NCOA2: variants seen among roughly 807,000 people sequenced by gnomAD.
NCOA2 encodes the protein class E basic helix-loop-helix protein 75.
Under a neutral mutation model 145.1 loss-of-function variants are expected in NCOA2, and 21 were observed. The ratio of observed to expected loss-of-function variants is 0.14; its 90% CI spans 0.10 to 0.21. The LOEUF (loss-of-function observed/expected upper bound fraction) is 0.21. Among genes scored for constraint, NCOA2 ranks in the 10% least tolerant of loss-of-function variants. The pLI, the probability that NCOA2 is intolerant of heterozygous loss-of-function variation, is 1.00. For missense variants in NCOA2, 1,472 were observed against 1,837.6 expected, an observed-to-expected ratio of 0.80 and a Z score of 3.64; for synonymous variants, 619 against 637.5, an observed-to-expected ratio of 0.97 and a Z score of 0.44.
intron 2 of NCOA2, among the ~76,000 whole-genome samples, chr8:70,293,782 T>A (rs978777933): frequency 6.6e-6 from 1 of 152,172 alleles, no homozygotes; most frequent in Non-Finnish European, 1.5e-5. Flanking sequence ...TTGGCTAACT[T>A]TAAAAATGCT....
chr8:70,113,531 C>T lies in NCOA2; in HGVS notation c.*101G>A, dbSNP rs559655668. 1,165 of 1,366,450 alleles carry T rather than the reference C, an allele frequency of 8.5e-4. 13 individuals are homozygous for T. In the South Asian group the frequency reaches 0.014, roughly 16 times the overall value. 84.6% of individuals were successfully genotyped at this position (1,366,450 alleles called of 1,614,324 possible). ...TGTCTGCTCTAGCAGAACCGGCTGG[C>T]AGGTCAGTTGGGTTGAAACAAATAG... On this transcript the variant is annotated 3_prime_UTR_variant, in exon 23 of 23. Transcript: ENST00000452400.
At chr8:70,115,786 C>A (rs1399683604) in intron 22 of NCOA2, among the ~76,000 whole-genome samples, 2 of 152,166 alleles carry the variant, frequency 1.3e-5, no homozygotes, top group Non-Finnish European at 2.9e-5. Context: ...AACTGCCCTT[C>A]TCTAAATATA....
the NCOA2 span, among the ~76,000 whole-genome samples, chr8:70,449,911 G>C: frequency 6.6e-6 from 1 of 152,240 alleles, no homozygotes; most frequent in Admixed American, 6.5e-5. Flanking sequence ...GGTTGGGACA[G>C]TATGAAATGC....
At chr8:70,350,277 TTAA>T (rs1414700275) in intron 1 of NCOA2, among the ~76,000 whole-genome samples, 3 of 152,164 alleles carry the variant, frequency 2.0e-5, no homozygotes, top group Non-Finnish European at 4.4e-5. Flanking sequence ...GACTCCTCAG[TTAA>T]TAATTATAAT....
chr8:70,216,432 T>C (rs1819627400), intron 3 of NCOA2, among the ~76,000 whole-genome samples: 1 of 152,190 alleles, frequency 6.6e-6, no homozygotes, highest in Non-Finnish European at 1.5e-5. Context: ...ATTCTAAGAG[T>C]CAAAAGATAT....
At chr8:70,416,367 C>T in the NCOA2 span, among the ~76,000 whole-genome samples, 2 of 151,930 alleles carry the variant, frequency 1.3e-5, no homozygotes, top group South Asian at 4.1e-4. Context: ...TAAATCACCA[C>T]AGACTACTAT....
At chr8:70,441,803 AG>A in the NCOA2 span, among the ~76,000 whole-genome samples, 8 of 144,340 alleles carry the variant, frequency 5.5e-5, no homozygotes, top group Non-Finnish European at 7.5e-5. Flanking sequence ...AAAGAAAGAA[AG>A]AAAGAAAGAA....
chr8:70,383,746 C>A (rs927301449), intron 1 of NCOA2, among the ~76,000 whole-genome samples: 1 of 152,196 alleles, frequency 6.6e-6, no homozygotes, highest in Non-Finnish European at 1.5e-5. Context: ...CTCAGGTGAT[C>A]CGCCCACCTC....
At chr8:70,401,642 G>C (rs1450181172) in intron 1 of NCOA2, among the ~76,000 whole-genome samples, 1 of 152,076 alleles carries the variant, frequency 6.6e-6, no homozygotes, top group Non-Finnish European at 1.5e-5. Flanking sequence ...AAGCCATTAT[G>C]AACAATGATG....
rs574813551 is a variant in NCOA2, at chr8:70,240,024, T to A, written c.-19-23260A>T. On this transcript the variant is annotated intron_variant, in intron 2 of 22. Coordinates refer to ENST00000452400, the MANE Select transcript of NCOA2 (RefSeq NM_006540.4). Reference sequence around the variant, plus strand: ...TGCCCAATCCTTCCAGATTTCCATATCTAGACTATCACACAGACACAAAGG... The same window carrying A: ...TGCCCAATCCTTCCAGATTTCCATAACTAGACTATCACACAGACACAAAGG... 1.2e-4 allele frequency among the ~76,000 whole-genome samples: 19 copies of A among 152,226 alleles called. No homozygotes were observed. The East Asian group carries it at 3.5e-3, about 28-fold the overall frequency.
intron 20 of NCOA2, 150 bp from the exon 21 acceptor site, chr8:70,124,232 C>G: frequency 1.4e-6 from 1 of 691,102 alleles, no homozygotes; most frequent in East Asian, 2.9e-5. Context: ...AGGTGGTGGG[C>G]TTGCTGAAGC....
At chr8:70,233,330 T>C (rs1263899136) in intron 2 of NCOA2, among the ~76,000 whole-genome samples, 1 of 152,224 alleles carries the variant, frequency 6.6e-6, no homozygotes, top group East Asian at 1.9e-4. Flanking sequence ...TGCAGTGAAA[T>C]GTATGAATAT....
intron 2 of NCOA2, chr8:70,273,584 C>T: frequency 2.6e-6 from 2 of 757,870 alleles, no homozygotes; most frequent in Non-Finnish European, 4.7e-6. Flanking sequence ...CTTTAACAAC[C>T]CTAAAGCCCA....
the NCOA2 span, among the ~76,000 whole-genome samples, chr8:70,423,437 C>T: frequency 6.6e-6 from 1 of 152,148 alleles, no homozygotes; most frequent in Non-Finnish European, 1.5e-5. Flanking sequence ...CCCACCTTGG[C>T]CTCCCGGAGT....
chr8:70,334,207 C>A (rs778981520), intron 1 of NCOA2, among the ~76,000 whole-genome samples: 1 of 152,194 alleles, frequency 6.6e-6, no homozygotes, highest in Non-Finnish European at 1.5e-5. Flanking sequence ...TTTCCTACTT[C>A]AGATGGACAC....
chr8:70,430,019 A>C, the NCOA2 span, among the ~76,000 whole-genome samples: 1 of 151,844 alleles, frequency 6.6e-6, no homozygotes, highest in African/African-American at 2.4e-5. Context: ...CACCTGGCTA[A>C]TTTTCTTATT....
intron 1 of NCOA2, among the ~76,000 whole-genome samples, chr8:70,299,483 TTAA>T (rs1410563600): frequency 2.6e-5 from 4 of 152,208 alleles, no homozygotes; most frequent in Non-Finnish European, 4.4e-5. Flanking sequence ...CTCTTACAAC[TTAA>T]TAATAGGACA....
intron 1 of NCOA2, among the ~76,000 whole-genome samples, chr8:70,365,488 G>C (rs1365624465): frequency 1.3e-5 from 2 of 152,200 alleles, no homozygotes; most frequent in Non-Finnish European, 2.9e-5. Flanking sequence ...TATCTATGTA[G>C]TCTCTAAATC....
intron 2 of NCOA2, among the ~76,000 whole-genome samples, chr8:70,291,511 G>GA (rs199636193): frequency 6.6e-5 from 10 of 150,998 alleles, no homozygotes; most frequent in East Asian, 3.9e-4. Context: ...TGTGCATTCT[G>GA]AAAAAAAAAT....
Sources: allele counts gnomAD v4.1 joint callset (sites outside exome capture counted in the v4.1 genomes callset), GRCh38; gene constraint gnomAD v4.1.1; transcripts MANE v1.5; gene names NCBI Gene and HGNC (gene_info 2026-07-23, HGNC 2026-07-21).